CNIH3: variants seen among roughly 807,000 people sequenced by gnomAD.
CNIH3 encodes cornichon family AMPA receptor auxiliary protein 3.
In CNIH3, 14 loss-of-function variants were observed where a neutral mutation model predicts 24.1. The ratio of observed to expected loss-of-function variants is 0.58; its 90% CI spans 0.38 to 0.91. CNIH3 has a LOEUF of 0.91. Ranked by LOEUF, CNIH3 falls within the 40% of genes least tolerant of loss-of-function variation. The probability of loss-of-function intolerance (pLI) is 0.00; values close to 1 mark genes in which losing one functional copy is unlikely to be tolerated. For synonymous variants in CNIH3, 68 were observed against 73.8 expected, an observed-to-expected ratio of 0.92 and a Z score of 0.40; for missense variants, 178 against 196.8, an observed-to-expected ratio of 0.90 and a Z score of 0.57.
At chr1:224,450,382 C>T (rs763410589) in intron 1 of CNIH3, among the ~76,000 whole-genome samples, 2 of 152,082 alleles carry the variant, frequency 1.3e-5, no homozygotes, top group Non-Finnish European at 2.9e-5. Flanking sequence ...TGACATAGTG[C>T]GTGGGAAGAC....
At chr1:224,558,345 TC>T (rs1236832324) in intron 3 of CNIH3, among the ~76,000 whole-genome samples, 2 of 152,054 alleles carry the variant, frequency 1.3e-5, no homozygotes, top group African/African-American at 4.8e-5. Flanking sequence ...GGCTTGGAAG[TC>T]CCAAAGTGTC....
chr1:224,699,205 GTTCTC>G (rs1420586580), intron 3 of CNIH3, among the ~76,000 whole-genome samples: 3 of 152,192 alleles, frequency 2.0e-5, no homozygotes, highest in African/African-American at 4.8e-5. Flanking sequence ...GATGGGCCCT[GTTCTC>G]TTCTCTAGTC....
chr1:224,548,791 A>G (rs1021594311), intron 3 of CNIH3, among the ~76,000 whole-genome samples: 1 of 150,994 alleles, frequency 6.6e-6, no homozygotes, highest in East Asian at 2.0e-4. Flanking sequence ...ACCCTGGCAC[A>G]TTGTAGCATT....
chr1:224,684,298 C>A lies in CNIH3; in HGVS notation c.151-498C>A, dbSNP rs1686546985. On this transcript the variant is annotated intron_variant, in intron 2 of 5. Coordinates refer to ENST00000272133, the MANE Select transcript of CNIH3 (RefSeq NM_152495.2). The surrounding 1 kb of genome is among the most constrained non-coding windows in gnomAD (Gnocchi z 4.2). Reference sequence around the variant, plus strand: ...GTTGTCTAATTTAGTAGGGAGATTACTTCCTCCAAGTAGACTCACTTTAGA... The same window carrying A: ...GTTGTCTAATTTAGTAGGGAGATTAATTCCTCCAAGTAGACTCACTTTAGA... 6.6e-6 allele frequency among the ~76,000 whole-genome samples: 1 copy of A among 152,238 alleles called. No homozygotes were observed. Among genetic ancestry groups the A allele is most frequent in the African/African-American group, 2.4e-5 (1 of 41,472 alleles).
At chr1:224,666,893 C>A (rs570246512) in intron 1 of CNIH3, among the ~76,000 whole-genome samples, 1 of 152,184 alleles carries the variant, frequency 6.6e-6, no homozygotes, top group East Asian at 1.9e-4. Context: ...CACGTGCATG[C>A]GGTTGACATA....
At chr1:224,649,201 A>G (rs1684755109) in intron 1 of CNIH3, among the ~76,000 whole-genome samples, 1 of 152,210 alleles carries the variant, frequency 6.6e-6, no homozygotes, top group Non-Finnish European at 1.5e-5. Context: ...TTATCTGGGT[A>G]TAGCCATTGT....
intron 3 of CNIH3, among the ~76,000 whole-genome samples, chr1:224,716,692 C>T (rs1688446831): frequency 6.6e-6 from 1 of 152,074 alleles, no homozygotes; most frequent in African/African-American, 2.4e-5. Flanking sequence ...CAGGAGGGAA[C>T]TGGGAGGCAC....
intron 1 of CNIH3, among the ~76,000 whole-genome samples, chr1:224,452,152 C>CTTT (rs58936897): frequency 7.0e-6 from 1 of 142,210 alleles, no homozygotes; most frequent in Admixed American, 7.0e-5. Context: ...TTACCAATGT[C>CTTT]TTTTTTTTTT....
chr1:224,610,387 TC>T (rs1682633307), intron 3 of CNIH3, among the ~76,000 whole-genome samples: 1 of 152,162 alleles, frequency 6.6e-6, no homozygotes, highest in African/African-American at 2.4e-5. Flanking sequence ...GGGGGTGGTT[TC>T]CCCCTGCTAT....
intron 1 of CNIH3, among the ~76,000 whole-genome samples, chr1:224,460,096 C>T (rs1168876013): frequency 1.3e-5 from 2 of 152,102 alleles, no homozygotes; most frequent in East Asian, 1.9e-4. Flanking sequence ...AGGCTGCTCT[C>T]GAACTCCTGA....
intron 1 of CNIH3, among the ~76,000 whole-genome samples, chr1:224,506,287 G>GCACACA (rs56331612): frequency 2.0e-3 from 301 of 147,422 alleles, no homozygotes; most frequent in African/African-American, 6.0e-3. Context: ...GCGCGCGCGC[G>GCACACA]CACACACACA....
At chr1:224,672,046 T>C (rs1417009068) in intron 1 of CNIH3, among the ~76,000 whole-genome samples, 1 of 152,210 alleles carries the variant, frequency 6.6e-6, no homozygotes, top group Non-Finnish European at 1.5e-5. Context: ...CTCATTTTTT[T>C]CCTCTCCAGT....
intron 1 of CNIH3, among the ~76,000 whole-genome samples, chr1:224,673,035 A>G (rs900631495): frequency 3.3e-5 from 5 of 152,126 alleles, no homozygotes; most frequent in Non-Finnish European, 5.9e-5. Context: ...CTCTTTAAAT[A>G]TTGCCCCTGA....
At chr1:224,634,109 A>C (rs1683963337) in intron 1 of CNIH3, among the ~76,000 whole-genome samples, 1 of 152,210 alleles carries the variant, frequency 6.6e-6, no homozygotes, top group Non-Finnish European at 1.5e-5. Context: ...GCCCCTTAGG[A>C]AAATCTCCAC....
chr1:224,656,557 G>A (rs949185596), intron 1 of CNIH3, among the ~76,000 whole-genome samples: 8 of 152,038 alleles, frequency 5.3e-5, no homozygotes, highest in Admixed American at 2.6e-4. Context: ...GCGGGGGGGC[G>A]GTGTTCACAA....
intron 1 of CNIH3, among the ~76,000 whole-genome samples, chr1:224,631,539 T>C (rs1683819981): frequency 6.6e-6 from 1 of 152,208 alleles, no homozygotes; most frequent in Non-Finnish European, 1.5e-5. Flanking sequence ...TTTCTCCCTC[T>C]TTCTCTTTTG....
intron 1 of CNIH3, among the ~76,000 whole-genome samples, chr1:224,653,948 G>A (rs1057308477): frequency 6.6e-6 from 1 of 152,116 alleles, no homozygotes; most frequent in Non-Finnish European, 1.5e-5. Context: ...GGGACTGCAG[G>A]CATGCACTAC....
chr1:224,631,903 G>T (rs1442349905), intron 1 of CNIH3, among the ~76,000 whole-genome samples: 1 of 152,122 alleles, frequency 6.6e-6, no homozygotes, highest in African/African-American at 2.4e-5. Context: ...AGCTGTAGCA[G>T]CCCAGATGGT....
chr1:224,636,867 A>T (rs1394409037), intron 1 of CNIH3, among the ~76,000 whole-genome samples: 1 of 152,168 alleles, frequency 6.6e-6, no homozygotes, highest in Admixed American at 6.6e-5. Context: ...GGTTGCTTTA[A>T]GATTTTTATT....
Sources: gnomAD v4.1 joint callset for allele counts (sites outside exome capture counted in the v4.1 genomes callset) on GRCh38, gnomAD v4.1.1 for gene constraint, Gnocchi (gnomAD v3.1) non-coding constraint, MANE v1.5 for transcripts, NCBI Gene and HGNC (gene_info 2026-07-23, HGNC 2026-07-21) for gene names.